DOCK8: variants seen among roughly 807,000 people sequenced by gnomAD.
DOCK8 encodes dedicator of cytokinesis 8.
In DOCK8, 141 loss-of-function variants were observed where a neutral mutation model predicts 245.6. That is an observed-to-expected ratio of 0.57 (90% confidence interval 0.50 to 0.66). DOCK8 has a LOEUF of 0.66. Among genes scored for constraint, DOCK8 ranks in the 30% least tolerant of loss-of-function variants. The pLI, the probability that DOCK8 is intolerant of heterozygous loss-of-function variation, is 0.00. For synonymous variants in DOCK8, 1,168 were observed against 970.2 expected, an observed-to-expected ratio of 1.20 and a Z score of -3.79; for missense variants, 2,965 against 2,603.4, an observed-to-expected ratio of 1.14 and a Z score of -3.02.
chr9:331,689 A>G (rs1249576469), intron 9 of DOCK8, among the ~76,000 whole-genome samples: 1 of 152,328 alleles, frequency 6.6e-6, no homozygotes, highest in East Asian at 1.9e-4. Flanking sequence ...ATTTATGACA[A>G]CTGGCCAGCC....
chr9:277,475 A>AGGGGAGGG (rs1260887889), intron 2 of DOCK8, among the ~76,000 whole-genome samples: 1 of 123,240 alleles, frequency 8.1e-6, no homozygotes, highest in African/African-American at 4.8e-5. Flanking sequence ...AGAAGAGAAG[A>AGGGGAGGG]GAAGAGAAGA....
Position 446,584 on chromosome 9 carries a change from T to C in DOCK8, c.5795T>C (p.Ile1932Thr), listed in dbSNP as rs1393563736. 3.1e-6 allele frequency: 5 copies of C among 1,614,026 alleles called. No individual in the cohort carries two copies. The highest frequency in any genetic ancestry group is 4.2e-6 in the Non-Finnish European group (5 of 1,180,018). The change falls in exon 44 of 48, where the codon ATC becomes ACC. Residue 1932 changes from isoleucine to threonine, a missense_variant. This residue lies in a region of DOCK8 where 2,825 missense variants were observed against 2,453.5 expected (regional missense o/e 1.15). Transcript: ENST00000432829. The part of the protein sequence containing the change: ...MHAFPYIKTR[I>T]SVIQKEEFVL... ...GCCTTCCCCTACATCAAGACCAGGA[T>C]CAGCGTCATCCAGAAGGAGGAGGTA...
chr9:435,944 T>C (rs981412340), intron 39 of DOCK8, among the ~76,000 whole-genome samples: 2 of 152,276 alleles, frequency 1.3e-5, no homozygotes, highest in African/African-American at 4.8e-5. Flanking sequence ...CGAAGTCATT[T>C]ACAAGGGTTT....
intron 2 of DOCK8, chr9:273,088 G>T (rs1390666038): frequency 1.0e-6 from 1 of 985,302 alleles, no homozygotes; most frequent in Admixed American, 6.1e-5. Flanking sequence ...GTGTAACTGT[G>T]AATCTTTCAA....
chr9:334,123 C>G, intron 10 of DOCK8, 102 bp from the exon 11 acceptor site: 1 of 1,281,536 alleles, frequency 7.8e-7, no homozygotes, highest in Non-Finnish European at 1.1e-6. Context: ...TCTTTTTAAT[C>G]AGTAGGGTTT....
chr9:253,089 A>C (rs1587667725), intron 1 of DOCK8, among the ~76,000 whole-genome samples: 1 of 152,222 alleles, frequency 6.6e-6, no homozygotes, highest in East Asian at 1.9e-4. Flanking sequence ...ACTGGACCCC[A>C]ATTCCCACCA....
chr9:379,045 T>C (rs1008760097), intron 20 of DOCK8, among the ~76,000 whole-genome samples: 8 of 152,132 alleles, frequency 5.3e-5, no homozygotes, highest in Non-Finnish European at 7.3e-5. Context: ...GAGGAGGGCT[T>C]CCTAGGCGAG....
intron 30 of DOCK8, among the ~76,000 whole-genome samples, chr9:419,632 T>C (rs1249654357): frequency 6.6e-6 from 1 of 152,196 alleles, no homozygotes; most frequent in Admixed American, 6.5e-5. Context: ...CACAAATTCC[T>C]CATTGCAATT....
chr9:269,757 C>T (rs970287895), intron 1 of DOCK8, among the ~76,000 whole-genome samples: 1 of 151,902 alleles, frequency 6.6e-6, no homozygotes, highest in Admixed American at 6.6e-5. Context: ...GGGGTTTCAC[C>T]ATGTTGGCCA....
chr9:349,044 A>G (rs139902423), intron 14 of DOCK8, among the ~76,000 whole-genome samples: 1 of 152,324 alleles, frequency 6.6e-6, no homozygotes, highest in East Asian at 1.9e-4. Flanking sequence ...GAATCGTCTT[A>G]TACTTCCAGA....
chr9:226,303 C>G (rs1261009954), intron 1 of DOCK8, among the ~76,000 whole-genome samples: 6 of 152,102 alleles, frequency 3.9e-5, no homozygotes, highest in African/African-American at 1.4e-4. Flanking sequence ...GAAAAACCTG[C>G]CTCCATGATT....
intron 40 of DOCK8, among the ~76,000 whole-genome samples, chr9:440,668 A>G (rs1041937137): frequency 6.6e-6 from 1 of 152,168 alleles, no homozygotes; most frequent in Admixed American, 6.5e-5. Flanking sequence ...ATATACTAAA[A>G]CTGCCTTTCT....
At chr9:446,737 G>A in intron 44 of DOCK8, 131 bp downstream of exon 44, 2 of 823,370 alleles carry the variant, frequency 2.4e-6, no homozygotes, top group South Asian at 2.9e-5. Flanking sequence ...TGATTATATG[G>A]TTGTCCTTTC....
chr9:368,813 T>C (rs1376658822), intron 15 of DOCK8: 2 of 86,944 alleles, frequency 2.3e-5, no homozygotes, highest in African/African-American at 1.3e-4. Flanking sequence ...ACTTTCTTTC[T>C]TTTTTTCTTT....
At chr9:439,547 G>A (rs528517923) in intron 40 of DOCK8, among the ~76,000 whole-genome samples, 159 bp downstream of exon 40, 6 of 152,330 alleles carry the variant, frequency 3.9e-5, no homozygotes, top group South Asian at 2.1e-4. Context: ...GGACTTTGAT[G>A]TATGCAAATT....
chr9:215,176 G>T (rs764801598), intron 1 of DOCK8, 147 bp downstream of exon 1: 1 of 1,508,192 alleles, frequency 6.6e-7, no homozygotes, highest in Non-Finnish European at 8.8e-7. Flanking sequence ...CGGTTCCCGA[G>T]GCTGCGGCGG....
intron 7 of DOCK8, among the ~76,000 whole-genome samples, 183 bp from the exon 8 acceptor site, chr9:325,488 T>G (rs917231215): frequency 1.3e-5 from 2 of 152,200 alleles, no homozygotes; most frequent in Non-Finnish European, 2.9e-5. Context: ...TGATTAGGAA[T>G]TTTTCACAAA....
intron 14 of DOCK8, among the ~76,000 whole-genome samples, chr9:359,059 A>G (rs1305529895): frequency 6.6e-6 from 1 of 152,228 alleles, no homozygotes; most frequent in Non-Finnish European, 1.5e-5. Context: ...TAGCAGGTCC[A>G]TGGTGCATTT....
intron 26 of DOCK8, among the ~76,000 whole-genome samples, chr9:400,696 C>T (rs1586915309): frequency 8.4e-6 from 1 of 118,628 alleles, no homozygotes; most frequent in Admixed American, 8.2e-5. Context: ...CCACCTCCAC[C>T]ACCACCACCA....
Sources: allele counts gnomAD v4.1 joint callset (sites outside exome capture counted in the v4.1 genomes callset), GRCh38; gene constraint gnomAD v4.1.1; regional missense constraint gnomAD v4.1.1; transcripts MANE v1.5; gene names NCBI Gene and HGNC (gene_info 2026-07-23, HGNC 2026-07-21).